Variants in RAB6A observed in about 807,000 individuals in gnomAD.
RAB6A encodes the protein ras-related protein Rab-6A.
RAB6A carries 8 observed loss-of-function variants against 32.3 expected under a neutral mutation model. The observed-to-expected ratio is 0.25, with a 90% confidence interval of 0.15 to 0.45. RAB6A has a LOEUF of 0.45. RAB6A is among the 20% of genes least tolerant of loss of function. The probability of loss-of-function intolerance (pLI) is 1.00; values close to 1 mark genes in which losing one functional copy is unlikely to be tolerated. For missense variants in RAB6A, 104 were observed against 249.4 expected (o/e 0.42, Z 3.93); for synonymous variants, 73 against 82.1 (o/e 0.89, Z 0.60).
chr11:73,722,329 ATATATATATATATATTT>A (rs1212790244), intron 2 of RAB6A: 79 of 15,984 alleles, frequency 4.9e-3, no homozygotes, highest in South Asian at 0.039. Flanking sequence ...ATATATATAT[ATATATATATATATATTT>A]TTTTTTTTTT....
chr11:73,702,567 C>G (rs577915667), intron 6 of RAB6A, among the ~76,000 whole-genome samples: 13 of 152,246 alleles, frequency 8.5e-5, no homozygotes, highest in African/African-American at 2.9e-4. Flanking sequence ...TAAGAACATT[C>G]AATAAGATAG....
intron 1 of RAB6A, among the ~76,000 whole-genome samples, chr11:73,732,428 T>C (rs1160189839): frequency 1.3e-5 from 2 of 151,896 alleles, no homozygotes; most frequent in East Asian, 3.9e-4. Context: ...CTACTAAAAA[T>C]ACAAAAAATT....
At chr11:73,698,374 A>T (rs1481587247) in intron 6 of RAB6A, among the ~76,000 whole-genome samples, 1 of 152,214 alleles carries the variant, frequency 6.6e-6, no homozygotes, top group Non-Finnish European at 1.5e-5. Flanking sequence ...CTCACATTGC[A>T]GTTTAAGTTA....
chr11:73,707,525 C>G lies in RAB6A; in HGVS notation c.402-12G>C. On this transcript the variant is annotated splice_polypyrimidine_tract_variant and intron_variant, in intron 5 of 7. Transcript: ENST00000336083. ...CAATTGACACTTGCCTGTAAAGAAA[C>G]AAACAAACTTCTTACTTTTGAGACA... is the stretch of plus-strand genomic sequence containing the variant. 6 of 1,568,278 alleles carry G rather than the reference C, an allele frequency of 3.8e-6. No individual in the cohort carries two copies. The highest frequency in any genetic ancestry group is 1.4e-5 in the African/African-American group (1 of 74,008).
At chr11:73,680,208 G>GT (rs558591484) in intron 6 of RAB6A, among the ~76,000 whole-genome samples, 53 of 152,266 alleles carry the variant, frequency 3.5e-4, no homozygotes, top group Admixed American at 1.8e-3. Context: ...CATGATTCCT[G>GT]TTTTTTTAAC....
At chr11:73,680,842 G>C (rs1320868885) in intron 6 of RAB6A, among the ~76,000 whole-genome samples, 2 of 152,150 alleles carry the variant, frequency 1.3e-5, no homozygotes, top group East Asian at 3.8e-4. Flanking sequence ...GGAGTGGCTG[G>C]CTTGTGTTTG....
chr11:73,702,970 C>T (rs1340146535), intron 6 of RAB6A, among the ~76,000 whole-genome samples: 1 of 151,764 alleles, frequency 6.6e-6, no homozygotes, highest in Non-Finnish European at 1.5e-5. Context: ...GATTCTCTTG[C>T]CTCAGACTCC....
chr11:73,722,328 T>C (rs1850963150), intron 2 of RAB6A: 1 of 10,744 alleles, frequency 9.3e-5, no homozygotes, highest in African/African-American at 3.0e-4. Context: ...TATATATATA[T>C]ATATATATAT....
chr11:73,689,268 C>T (rs1945507487), intron 6 of RAB6A, among the ~76,000 whole-genome samples: 2 of 152,194 alleles, frequency 1.3e-5, no homozygotes, highest in Non-Finnish European at 2.9e-5. Context: ...TGGGATGAAA[C>T]TGTTCCACCT....
At chr11:73,744,077 G>A (rs1197545321) in intron 1 of RAB6A, among the ~76,000 whole-genome samples, 6 of 151,996 alleles carry the variant, frequency 3.9e-5, no homozygotes, top group East Asian at 3.9e-4. Context: ...AGTGGCTCAC[G>A]CCTGTAATTT....
chr11:73,725,097 A>C (rs914463050), intron 2 of RAB6A, among the ~76,000 whole-genome samples: 3 of 152,232 alleles, frequency 2.0e-5, no homozygotes, highest in Admixed American at 6.5e-5. Flanking sequence ...GGATTAGTAC[A>C]AATACTGTTA....
intron 6 of RAB6A, among the ~76,000 whole-genome samples, chr11:73,680,593 A>G (rs1945339894): frequency 6.6e-6 from 1 of 151,372 alleles, no homozygotes; most frequent in Admixed American, 6.6e-5. Context: ...CGGAGGTTGC[A>G]GTGAGCCAAG....
intron 1 of RAB6A, among the ~76,000 whole-genome samples, chr11:73,749,149 G>A (rs1478505974): frequency 6.6e-6 from 1 of 151,896 alleles, no homozygotes; most frequent in Non-Finnish European, 1.5e-5. Context: ...AAAGAAATGT[G>A]GTATACATCT....
At chr11:73,714,209 A>ATATATATATATATATATAT (rs1555059762) in intron 5 of RAB6A, among the ~76,000 whole-genome samples, 11 of 57,562 alleles carry the variant, frequency 1.9e-4, no homozygotes, top group African/African-American at 5.6e-4. Context: ...AAAAAAAAAA[A>ATATATATATATATATATAT]ATATATATAT....
rs146476702 is a variant in RAB6A at position 73,744,462 on chromosome 11, G to C, written c.71-13639C>G. Among the ~76,000 whole-genome samples the C allele has an allele frequency of 7.0e-3, 951 of 135,028 alleles. 4 individuals are homozygous for C. Among genetic ancestry groups the C allele is most frequent in the Non-Finnish European group, 0.012 (764 of 65,702 alleles). The allele number at this position is 135,028 out of a possible 152,430, so 88.6% of individuals were successfully genotyped here. ...GGAGGTCAAGGCTGTAGTATACTGT[G>C]ATGACACCACTGCACTCCAGCCTGG... On this transcript the variant is annotated intron_variant, in intron 1 of 7. Coordinates refer to ENST00000336083, the MANE Select transcript of RAB6A (RefSeq NM_198896.2).
chr11:73,676,806 G>T lies in RAB6A; in HGVS notation c.*1092C>A, dbSNP rs1361406447. ...CAAAGTTTTTGTTATTCTGCTGAGG[G>T]TTCTTTTGTTGGTAAGCTTTAGACA... On this transcript the variant is annotated 3_prime_UTR_variant, in exon 8 of 8. Transcript: ENST00000336083. 1 of 167,012 alleles carries T rather than the reference G, an allele frequency of 6.0e-6. No homozygotes were observed. The highest frequency in any genetic ancestry group is 1.5e-5 in the Non-Finnish European group (1 of 68,112). The allele number at this position is 167,012 out of a possible 1,614,324, so 10.3% of individuals were successfully genotyped here.
chr11:73,732,314 C>T (rs1285677703), intron 1 of RAB6A, among the ~76,000 whole-genome samples: 2 of 151,982 alleles, frequency 1.3e-5, no homozygotes, highest in Non-Finnish European at 2.9e-5. Context: ...AGGCCGGGTG[C>T]GGTGGCTCAC....
intron 1 of RAB6A, chr11:73,760,083 C>CT: frequency 7.7e-7 from 1 of 1,290,348 alleles, no homozygotes; most frequent in Non-Finnish European, 1.0e-6. Flanking sequence ...GGCCAAGCCT[C>CT]TGGGGAAAAC....
At position 73,707,413 on chromosome 11, in the gene RAB6A, A is replaced by G. The variant is rs1015547286; in HGVS notation, c.495+7T>C. ...TTTTTCAATTTGGTAACCTCAACTC[A>G]ACTTACCTGCTTTACATTGTATCCA... On this transcript the variant is annotated splice_region_variant and intron_variant, in intron 6 of 7. Transcript: ENST00000336083. 6.2e-7 allele frequency: 1 copy of G among 1,600,138 alleles called. No individual in the cohort carries two copies. The highest frequency in any genetic ancestry group is 8.6e-7 in the Non-Finnish European group (1 of 1,167,850).
Sources: allele counts gnomAD v4.1 joint callset (sites outside exome capture counted in the v4.1 genomes callset), GRCh38; gene constraint gnomAD v4.1.1; transcripts MANE v1.5; gene names NCBI Gene and HGNC (gene_info 2026-07-23, HGNC 2026-07-21).